Variants in CPNE4 observed in about 807,000 individuals in gnomAD.
The protein encoded by CPNE4 is copine-4.
CPNE4 carries 25 observed loss-of-function variants against 67.9 expected under a neutral mutation model. That is an observed-to-expected ratio of 0.37 (90% confidence interval 0.27 to 0.51). The LOEUF (loss-of-function observed/expected upper bound fraction) is 0.51. Ranked by LOEUF, CPNE4 falls within the 20% of genes least tolerant of loss-of-function variation. The probability of loss-of-function intolerance (pLI) is 0.93; values close to 1 mark genes in which losing one functional copy is unlikely to be tolerated. For missense variants in CPNE4, 464 were observed against 690.8 expected, an observed-to-expected ratio of 0.67 and a Z score of 3.68; for synonymous variants, 242 against 244.9, an observed-to-expected ratio of 0.99 and a Z score of 0.11.
intron 2 of CPNE4, among the ~76,000 whole-genome samples, chr3:131,826,533 G>A (rs1203080314): frequency 6.6e-6 from 1 of 152,134 alleles, no homozygotes; most frequent in African/African-American, 2.4e-5. Flanking sequence ...AATCCAATGA[G>A]CTCTGTGTCT....
chr3:131,820,281 C>T (rs751936955), intron 2 of CPNE4, among the ~76,000 whole-genome samples: 1 of 152,214 alleles, frequency 6.6e-6, no homozygotes, highest in Non-Finnish European at 1.5e-5. Flanking sequence ...GCTGTGATGA[C>T]AGCCCAGTGA....
At chr3:131,999,926 T>C (rs1320150864) in intron 1 of CPNE4, among the ~76,000 whole-genome samples, 1 of 152,036 alleles carries the variant, frequency 6.6e-6, no homozygotes, top group African/African-American at 2.4e-5. Flanking sequence ...CTCCATTCAA[T>C]TGTTTATATG....
chr3:131,911,362 C>G (rs780464395), intron 1 of CPNE4, among the ~76,000 whole-genome samples: 2 of 152,112 alleles, frequency 1.3e-5, no homozygotes, highest in Non-Finnish European at 2.9e-5. Context: ...TGACTGACAC[C>G]TCGATTGCAG....
chr3:131,712,750 T>C (rs745920913), intron 3 of CPNE4, among the ~76,000 whole-genome samples: 1 of 152,218 alleles, frequency 6.6e-6, no homozygotes, highest in South Asian at 2.1e-4. Flanking sequence ...AGGACATACA[T>C]TTTTATTTAA....
chr3:131,667,989 T>G (rs566630761), intron 7 of CPNE4, among the ~76,000 whole-genome samples: 1 of 152,290 alleles, frequency 6.6e-6, no homozygotes, highest in Non-Finnish European at 1.5e-5. Flanking sequence ...TCACAGCTCT[T>G]GGCCATTCTG....
intron 1 of CPNE4, among the ~76,000 whole-genome samples, chr3:131,935,469 T>C (rs2071195035): frequency 6.6e-6 from 1 of 151,484 alleles, no homozygotes. Context: ...AAGCCAAGAG[T>C]AGGAAAGACA....
intron 13 of CPNE4, among the ~76,000 whole-genome samples, chr3:131,551,083 T>C (rs1936148002): frequency 6.6e-6 from 1 of 152,074 alleles, no homozygotes; most frequent in Non-Finnish European, 1.5e-5. Context: ...AAATAGCACA[T>C]TAGTCCTGTT....
chr3:131,568,268 CA>C (rs1937161111), intron 10 of CPNE4, among the ~76,000 whole-genome samples: 1 of 151,966 alleles, frequency 6.6e-6, no homozygotes, highest in Non-Finnish European at 1.5e-5. Flanking sequence ...TATCTATCTT[CA>C]GGGGGTGGTC....
intron 6 of CPNE4, among the ~76,000 whole-genome samples, chr3:131,675,563 T>A (rs1469105421): frequency 6.6e-6 from 1 of 152,144 alleles, no homozygotes; most frequent in Non-Finnish European, 1.5e-5. Context: ...CATTATATAA[T>A]TTTTTTCTCT....
At chr3:131,661,234 T>A (rs1283207768) in intron 7 of CPNE4, among the ~76,000 whole-genome samples, 1 of 152,166 alleles carries the variant, frequency 6.6e-6, no homozygotes, top group Non-Finnish European at 1.5e-5. Flanking sequence ...ATTAGCTGTT[T>A]TTTAAATACT....
chr3:131,607,892 G>A (rs1245587778), intron 7 of CPNE4, among the ~76,000 whole-genome samples: 2 of 152,162 alleles, frequency 1.3e-5, no homozygotes, highest in Non-Finnish European at 1.5e-5. Flanking sequence ...CAAAATTTAA[G>A]GAAGCAGTCA....
chr3:131,554,361 T>A (rs1033595916), intron 12 of CPNE4, among the ~76,000 whole-genome samples: 1 of 152,120 alleles, frequency 6.6e-6, no homozygotes, highest in African/African-American at 2.4e-5. Flanking sequence ...AATTGCTGAA[T>A]TCGTTTTTTA....
chr3:131,989,196 C>T (rs932443830), intron 1 of CPNE4, among the ~76,000 whole-genome samples: 15 of 152,128 alleles, frequency 9.9e-5, no homozygotes, highest in African/African-American at 3.1e-4. Flanking sequence ...AAGAAGCAGA[C>T]CTGGATGCAT....
intron 1 of CPNE4, among the ~76,000 whole-genome samples, chr3:131,934,983 T>G (rs941521003): frequency 6.6e-6 from 1 of 152,182 alleles, no homozygotes; most frequent in African/African-American, 2.4e-5. Flanking sequence ...TTGAAGAAGG[T>G]TGGGAGAAGT....
intron 2 of CPNE4, among the ~76,000 whole-genome samples, chr3:131,858,349 T>C (rs940638869): frequency 6.9e-5 from 10 of 145,180 alleles, no homozygotes; most frequent in African/African-American, 2.4e-4. Context: ...TAATGAACTA[T>C]AATTTAACTA....
intron 1 of CPNE4, among the ~76,000 whole-genome samples, chr3:132,030,460 C>T (rs1416132354): frequency 2.6e-5 from 4 of 152,200 alleles, no homozygotes; most frequent in African/African-American, 9.7e-5. Context: ...TTGAAAGTTG[C>T]TGATCACAGT....
chr3:131,733,808 C>T (rs2082179083), intron 2 of CPNE4, among the ~76,000 whole-genome samples: 1 of 152,144 alleles, frequency 6.6e-6, no homozygotes, highest in Non-Finnish European at 1.5e-5. Context: ...CTGTGGAGTC[C>T]TCCAGAGAGG....
chr3:131,792,745 G>GTA (rs74206831), intron 2 of CPNE4, among the ~76,000 whole-genome samples: 18 of 102,860 alleles, frequency 1.7e-4, no homozygotes, highest in East Asian at 1.7e-3. Flanking sequence ...GTGTATATAT[G>GTA]TATATATATA....
rs541656670 is a variant in CPNE4 at position 131,648,005 on chromosome 3, T to A, written c.681+21670A>T. ...CAGAAATGCAGCTCTGACAATATCA[T>A]TTTTCTCCCCCATCCCAGGATAGGT... On this transcript the variant is annotated intron_variant, in intron 7 of 15. Coordinates refer to ENST00000429747, the MANE Select transcript of CPNE4 (RefSeq NM_130808.3). 3.3e-5 allele frequency among the ~76,000 whole-genome samples: 5 copies of A among 152,286 alleles called. No homozygotes were observed. In the South Asian group the frequency reaches 1.0e-3, roughly 32 times the overall value.
Sources: gnomAD v4.1 joint callset for allele counts (sites outside exome capture counted in the v4.1 genomes callset) on GRCh38, gnomAD v4.1.1 for gene constraint, MANE v1.5 for transcripts, NCBI Gene and HGNC (gene_info 2026-07-23, HGNC 2026-07-21) for gene names.